Variants in ZC3H15 observed in about 807,000 individuals in gnomAD.
The protein encoded by ZC3H15 is zinc finger CCCH domain-containing protein 15.
ZC3H15 carries 15 observed loss-of-function variants against 51.2 expected under a neutral mutation model. That is an observed-to-expected ratio of 0.29 (90% confidence interval 0.20 to 0.45). The LOEUF is 0.45. Among genes scored for constraint, ZC3H15 ranks in the 20% least tolerant of loss-of-function variants. The pLI is 1.00. For missense variants in ZC3H15, 381 were observed against 494.7 expected, an observed-to-expected ratio of 0.77 and a Z score of 2.18; for synonymous variants, 144 against 162.8, an observed-to-expected ratio of 0.88 and a Z score of 0.88.
In ZC3H15 at chr2:186,486,386, C is replaced by T. The variant is rs375523117; in HGVS notation, c.4C>T (p.Pro2Ser). 1.7e-5 allele frequency: 27 copies of T among 1,543,268 alleles called. No individual in the cohort carries two copies. The highest frequency in any genetic ancestry group is 5.9e-5 in the Admixed American group (3 of 51,028). Residue 2 changes from proline (P) to serine (S), a missense_variant, in exon 1 of 10, where the codon CCC (proline) becomes TCC (serine). By Grantham distance (74) the Pro-to-Ser change is moderately conservative. Coordinates refer to ENST00000337859, the MANE Select transcript of ZC3H15 (RefSeq NM_018471.3). ...GCCGGTGCCATCTGTCTCCGCAATG[C>T]CCCCCAAGAAACAGGCTCAGGCCGG... is the stretch of plus-strand genomic sequence containing the variant. M[P>S]PKKQAQAGGS...
At chr2:186,500,320 T>C in intron 3 of ZC3H15, 27 bp downstream of exon 3, 4 of 1,542,256 alleles carry the variant, frequency 2.6e-6, no homozygotes, top group Non-Finnish European at 3.5e-6. Context: ...AGAAGTGTGA[T>C]TTTTTATCAA....
chr2:186,497,107 T>C, intron 2 of ZC3H15: 1 of 435,904 alleles, frequency 2.3e-6, no homozygotes, highest in Non-Finnish European at 4.5e-6. Context: ...AAAGATTTCA[T>C]AGACATGGAT....
rs747620729 is a variant in ZC3H15, at chr2:186,508,654, C to G, written c.1202C>G (p.Pro401Arg). The G allele has an allele frequency of 1.2e-6, 2 of 1,614,022 alleles. No homozygotes were observed. Among genetic ancestry groups the G allele is most frequent in the Admixed American group, 3.3e-5 (2 of 60,010 alleles). Residue 401 changes from proline to arginine, a missense_variant, in exon 10 of 10, where the codon CCT becomes CGT. Around this residue, in one of 3 missense-constraint regions of ZC3H15, gnomAD observed 215 missense variants for 241.8 expected, o/e 0.89. Coordinates refer to ENST00000337859, the MANE Select transcript of ZC3H15 (RefSeq NM_018471.3). The stretch of plus-strand genomic sequence containing the variant: ...GAAAATGGAGCCATTGATGCTGTTC[C>G]TGTTGATGAAAATCTTTTCACTGGA... Reference protein sequence around the residue: ...GTENGAIDAVPVDENLFTGED... With the variant: ...GTENGAIDAVRVDENLFTGED...
At position 186,504,173 on chromosome 2, in the gene ZC3H15, A is replaced by G; in HGVS notation, c.676A>G (p.Lys226Glu). ...VLKKDKKKEE[K>E]EDEISLEDLI... The stretch of plus-strand genomic sequence containing the variant: ...GAAAAAAGATAAAAAGAAAGAAGAG[A>G]AAGAAGATGAAATTTCATTAGAAGA... The change falls in exon 6 of 10, where the codon AAA becomes GAA. Residue 226 changes from lysine (K) to glutamate (E), a missense_variant. Lys to Glu is a moderately conservative substitution (Grantham distance 56). This residue lies in a region of ZC3H15 where 215 missense variants were observed against 241.8 expected (regional missense o/e 0.89). Transcript: ENST00000337859. The G allele has an allele frequency of 1.2e-6, 2 of 1,604,440 alleles. No homozygotes were observed. Among genetic ancestry groups the G allele is most frequent in the Non-Finnish European group, 1.7e-6 (2 of 1,175,114 alleles).
At chr2:186,502,106 T>A (rs1007793521) in intron 4 of ZC3H15, among the ~76,000 whole-genome samples, 1 of 151,928 alleles carries the variant, frequency 6.6e-6, no homozygotes, top group South Asian at 2.1e-4. Context: ...CCCAGCACTT[T>A]GGGAGGCCAA....
chr2:186,495,747 A>G (rs1279799153), intron 2 of ZC3H15, among the ~76,000 whole-genome samples: 2 of 152,260 alleles, frequency 1.3e-5, no homozygotes, highest in African/African-American at 4.8e-5. Context: ...TTTTAACATT[A>G]TAAATTTGCC....
intron 6 of ZC3H15, 53 bp from the exon 7 acceptor site, chr2:186,505,398 G>T: frequency 6.7e-7 from 1 of 1,497,548 alleles, no homozygotes; most frequent in Non-Finnish European, 8.9e-7. Flanking sequence ...CTGCAACTAA[G>T]CACTATTTGA....
intron 1 of ZC3H15, 48 bp downstream of exon 1, chr2:186,486,505 C>T (rs771471190): frequency 7.3e-6 from 11 of 1,507,788 alleles, no homozygotes; most frequent in Non-Finnish European, 9.8e-6. Flanking sequence ...CTCCGGAAAG[C>T]CACTTCCCCG....
chr2:186,500,389 A>ATAACT, intron 3 of ZC3H15, 96 bp downstream of exon 3: 1 of 1,052,068 alleles, frequency 9.5e-7, no homozygotes, highest in Non-Finnish European at 1.4e-6. Context: ...ATAATGAGAC[A>ATAACT]GTTATGTCTG....
rs180721586 is a variant in ZC3H15, at chr2:186,499,196, G to A, written c.178-986G>A. ...TTGTGTTTTATTGTGTACAGCAGTTGCAGCAGCCTCTTGCCTTTATTCTTG... is the reference window on the plus strand; with the variant it reads ...TTGTGTTTTATTGTGTACAGCAGTTACAGCAGCCTCTTGCCTTTATTCTTG... On this transcript the variant is annotated intron_variant, in intron 2 of 9. Coordinates refer to ENST00000337859, the MANE Select transcript of ZC3H15 (RefSeq NM_018471.3). 3.0e-4 allele frequency among the ~76,000 whole-genome samples: 46 copies of A among 152,240 alleles called. No individual in the cohort carries two copies. The East Asian group carries it at 6.6e-3, about 22-fold the overall frequency.
intron 1 of ZC3H15, among the ~76,000 whole-genome samples, chr2:186,494,331 TTTAA>T (rs1286110278): frequency 6.6e-6 from 1 of 152,220 alleles, no homozygotes; most frequent in Non-Finnish European, 1.5e-5. Flanking sequence ...CTTTATTAAA[TTTAA>T]TTGTTTTTGA....
chr2:186,496,631 G>A (rs563538201), intron 2 of ZC3H15, among the ~76,000 whole-genome samples: 22 of 152,278 alleles, frequency 1.4e-4, no homozygotes, highest in African/African-American at 4.8e-4. Flanking sequence ...GAAATGTGTC[G>A]TTAGGCGATT....
At chr2:186,486,608 T>G (rs1212791295) in intron 1 of ZC3H15, 151 bp downstream of exon 1, 4 of 713,888 alleles carry the variant, frequency 5.6e-6, no homozygotes, top group Non-Finnish European at 8.1e-6. Flanking sequence ...CAGCCCCTGA[T>G]GACGCTAGCT....
chr2:186,507,127 G>A (rs1685482354), intron 9 of ZC3H15, among the ~76,000 whole-genome samples: 1 of 152,170 alleles, frequency 6.6e-6, no homozygotes, highest in African/African-American at 2.4e-5. Flanking sequence ...TATCAAAAGT[G>A]CACTGTCTAG....
intron 2 of ZC3H15, among the ~76,000 whole-genome samples, 157 bp from the exon 3 acceptor site, chr2:186,500,025 C>G (rs1481757736): frequency 6.6e-6 from 1 of 152,044 alleles, no homozygotes; most frequent in Non-Finnish European, 1.5e-5. Flanking sequence ...ATAGTTTAAC[C>G]ACAACATTGA....
At chr2:186,489,782 A>C (rs1269890901) in intron 1 of ZC3H15, among the ~76,000 whole-genome samples, 1 of 152,218 alleles carries the variant, frequency 6.6e-6, no homozygotes, top group Non-Finnish European at 1.5e-5. Flanking sequence ...TGAAAGGAAC[A>C]CTAGCTTTGG....
intron 5 of ZC3H15, 132 bp from the exon 6 acceptor site, chr2:186,503,900 T>C: frequency 3.1e-6 from 2 of 636,970 alleles, no homozygotes; most frequent in Non-Finnish European, 4.8e-6. Flanking sequence ...AGCACCCTTA[T>C]GTGCAGAAAT....
chr2:186,504,098 G>T lies in ZC3H15; in HGVS notation c.601G>T (p.Gly201Trp). Residue 201 changes from glycine to tryptophan, a missense_variant, in exon 6 of 10, where the codon GGG (glycine) becomes TGG (tryptophan). Gly to Trp is a radical substitution (Grantham distance 184, BLOSUM62 -2). Coordinates refer to ENST00000337859, the MANE Select transcript of ZC3H15 (RefSeq NM_018471.3). ...KYGWFWVCPG[G>W]GDICMYRHAL... ...TGGCTGGTTTTGGGTATGCCCTGGA[G>T]GGGGTGATATTTGCATGTATCGTCA... is the stretch of plus-strand genomic sequence containing the variant. 1 of 1,609,688 alleles carries T rather than the reference G, an allele frequency of 6.2e-7. No individual in the cohort carries two copies. Among genetic ancestry groups the T allele is most frequent in the Non-Finnish European group, 8.5e-7 (1 of 1,177,786 alleles).
At chr2:186,500,656 T>C in intron 3 of ZC3H15, 1 of 470,498 alleles carries the variant, frequency 2.1e-6, no homozygotes, top group Non-Finnish European at 4.2e-6. Context: ...CATTTCTTTT[T>C]TGCCTTTTTT....
Sources: gnomAD v4.1 joint callset for allele counts (sites outside exome capture counted in the v4.1 genomes callset) on GRCh38, gnomAD v4.1.1 for gene constraint, gnomAD v4.1.1 regional missense constraint, MANE v1.5 for transcripts, NCBI Gene and HGNC (gene_info 2026-07-23, HGNC 2026-07-21) for gene names.